Variants in SUMF1 observed in about 807,000 individuals in gnomAD.
SUMF1 encodes formylglycine-generating enzyme.
SUMF1 carries 48 observed loss-of-function variants against 47.6 expected under a neutral mutation model. That is an observed-to-expected ratio of 1.01 (90% CI 0.80 to 1.28). The LOEUF (loss-of-function observed/expected upper bound fraction) is 1.28, where lower values mean the gene tolerates loss of function less well. Ranked by LOEUF, SUMF1 falls within the 50% of genes most tolerant of loss-of-function variation. SUMF1 has a pLI of 0.00. For synonymous variants in SUMF1, 230 were observed against 192.1 expected, an observed-to-expected ratio of 1.20 and a Z score of -1.63; for missense variants, 571 against 485.4, an observed-to-expected ratio of 1.18 and a Z score of -1.66.
At chr3:4,135,276 T>C (rs922081901) in intron 8 of SUMF1, among the ~76,000 whole-genome samples, 3 of 152,128 alleles carry the variant, frequency 2.0e-5, no homozygotes, top group Non-Finnish European at 2.9e-5. Context: ...TTATCCACCA[T>C]GATCAAGTGG....
intron 8 of SUMF1, among the ~76,000 whole-genome samples, chr3:4,250,517 C>T (rs375487840): frequency 6.6e-5 from 10 of 152,066 alleles, no homozygotes; most frequent in African/African-American, 2.2e-4. Context: ...CACTGAACAA[C>T]AGATTTTCAA....
intron 8 of SUMF1, among the ~76,000 whole-genome samples, chr3:4,250,944 C>A (rs570248842): frequency 1.3e-5 from 2 of 152,192 alleles, no homozygotes; most frequent in Non-Finnish European, 2.9e-5. Context: ...CACCTCCTAA[C>A]GATATTCATT....
At chr3:4,080,127 A>G (rs566439329) in intron 8 of SUMF1, among the ~76,000 whole-genome samples, 1 of 152,112 alleles carries the variant, frequency 6.6e-6, no homozygotes, top group South Asian at 2.1e-4. Context: ...CGTTACAAAC[A>G]GCAATTCTTT....
At chr3:4,091,046 A>T (rs1574873911) in intron 8 of SUMF1, among the ~76,000 whole-genome samples, 1 of 151,524 alleles carries the variant, frequency 6.6e-6, no homozygotes, top group South Asian at 2.1e-4. Flanking sequence ...GCTCCACTGC[A>T]CTCCAGCCTG....
intron 9 of SUMF1, among the ~76,000 whole-genome samples, chr3:4,040,037 T>G (rs1414172755): frequency 6.6e-6 from 1 of 152,092 alleles, no homozygotes; most frequent in East Asian, 1.9e-4. Flanking sequence ...ATGTTTTGTA[T>G]ACTTGAAAAT....
chr3:4,359,162 T>A (rs1284277944), downstream of SUMF1, among the ~76,000 whole-genome samples: 1 of 152,358 alleles, frequency 6.6e-6, no homozygotes, highest in East Asian at 1.9e-4. Context: ...TCTGCTCGTA[T>A]GTCACTATCC....
At chr3:4,376,635 GAAGCAATCCTGTCTCT>G (rs1331894796) in intron 7 of SUMF1, among the ~76,000 whole-genome samples, 1 of 152,120 alleles carries the variant, frequency 6.6e-6, no homozygotes, top group African/African-American at 2.4e-5. Flanking sequence ...GTAACTACAG[GAAGCAATCCTGTCTCT>G]AAGTCCCTAC....
intron 9 of SUMF1, among the ~76,000 whole-genome samples, chr3:4,044,321 C>G (rs1694967806): frequency 6.6e-6 from 1 of 152,152 alleles, no homozygotes; most frequent in Non-Finnish European, 1.5e-5. Context: ...CAGCATCTCT[C>G]TCCTCACTGG....
intron 7 of SUMF1, among the ~76,000 whole-genome samples, chr3:4,406,185 G>T (rs761939051): frequency 5.3e-5 from 8 of 152,114 alleles, no homozygotes; most frequent in Non-Finnish European, 1.0e-4. Flanking sequence ...CTCTGAAAGT[G>T]ATATAAAGTT....
intron 8 of SUMF1, among the ~76,000 whole-genome samples, chr3:4,322,478 A>C (rs1450770597): frequency 6.6e-6 from 1 of 152,016 alleles, no homozygotes; most frequent in Non-Finnish European, 1.5e-5. Flanking sequence ...ATTCCATGAA[A>C]GTCTACGGTA....
At chr3:4,198,512 G>A (rs1400342977) in intron 8 of SUMF1, among the ~76,000 whole-genome samples, 4 of 152,152 alleles carry the variant, frequency 2.6e-5, no homozygotes, top group African/African-American at 4.8e-5. Flanking sequence ...AAATTAAAAT[G>A]TGGTATGCTT....
chr3:4,187,894 C>T (rs1695235455), intron 8 of SUMF1, among the ~76,000 whole-genome samples: 1 of 152,198 alleles, frequency 6.6e-6, no homozygotes, highest in African/African-American at 2.4e-5. Flanking sequence ...CGGACCTTAA[C>T]ATGCACTTCA....
intron 8 of SUMF1, among the ~76,000 whole-genome samples, chr3:4,137,884 G>C (rs543096522): frequency 2.0e-5 from 3 of 150,554 alleles, no homozygotes; most frequent in African/African-American, 7.3e-5. Context: ...TTGCAGATGA[G>C]ATAATCTTGC....
At chr3:4,464,908 C>A (rs2079903224) in intron 1 of SUMF1, among the ~76,000 whole-genome samples, 2 of 152,222 alleles carry the variant, frequency 1.3e-5, no homozygotes. Context: ...ACTATAAGAA[C>A]TGGCCAAAGA....
chr3:4,108,976 G>A (rs560407423), intron 8 of SUMF1, among the ~76,000 whole-genome samples: 8 of 152,126 alleles, frequency 5.3e-5, no homozygotes, highest in African/African-American at 1.4e-4. Flanking sequence ...TATGATGTTA[G>A]CTGGTGATTT....
intron 8 of SUMF1, among the ~76,000 whole-genome samples, chr3:4,375,842 GAAA>G: frequency 6.6e-6 from 1 of 152,252 alleles, no homozygotes; most frequent in South Asian, 2.1e-4. Context: ...CCAAAGAGAA[GAAA>G]CACTCTCTGG....
chr3:4,065,439 A>G (rs1414641660), intron 9 of SUMF1, among the ~76,000 whole-genome samples: 1 of 152,164 alleles, frequency 6.6e-6, no homozygotes, highest in Non-Finnish European at 1.5e-5. Flanking sequence ...ACTTCTAAGA[A>G]AAACCTAATT....
At chr3:4,286,616 A>C (rs1697638240) in intron 8 of SUMF1, among the ~76,000 whole-genome samples, 1 of 152,168 alleles carries the variant, frequency 6.6e-6, no homozygotes, top group Non-Finnish European at 1.5e-5. Context: ...CATGATTCCA[A>C]GAGAAAATGC....
At chr3:4,319,098 A>G (rs1433360350) in intron 8 of SUMF1, among the ~76,000 whole-genome samples, 2 of 152,250 alleles carry the variant, frequency 1.3e-5, no homozygotes, top group Non-Finnish European at 2.9e-5. Context: ...AAGCGAAAAC[A>G]CTAAAAATGC....
Sources: allele counts gnomAD v4.1 joint callset (sites outside exome capture counted in the v4.1 genomes callset), GRCh38; gene constraint gnomAD v4.1.1; transcripts MANE v1.5; gene names NCBI Gene and HGNC (gene_info 2026-07-23, HGNC 2026-07-21).